The following MCM10 variants were observed in gnomAD, a reference collection of about 807,000 sequenced individuals.
MCM10 encodes the protein minichromosome maintenance 10 replication initiation factor.
MCM10 carries 91 observed loss-of-function variants against 109.9 expected under a neutral mutation model. The observed-to-expected ratio is 0.83, with a 90% CI of 0.70 to 0.99. The LOEUF is 0.99. MCM10 is among the 50% of genes least tolerant of loss of function. The pLI is 0.00. For synonymous variants in MCM10, 380 were observed against 387.2 expected (o/e 0.98, Z 0.22); for missense variants, 1,077 against 1,061.2 (o/e 1.01, Z -0.21).
Position 13,201,430 on chromosome 10 carries a change from G to A in MCM10, c.2248G>A (p.Glu750Lys). The change falls in exon 17 of 20, where the codon GAG (glutamate) becomes AAG (lysine). Residue 750 changes from glutamate to lysine, a missense_variant. Transcript: ENST00000378714. ...HTGILKEAEAEMQERYFEPLV... is the reference protein window; with the variant it reads ...HTGILKEAEAKMQERYFEPLV... ...TGCCCTGTCATTCCAGGCCGAGGCT[G>A]AGATGCAGGAGCGCTACTTTGAGCC... The A allele has an allele frequency of 6.2e-7, 1 of 1,611,590 alleles. No homozygotes were observed. Among genetic ancestry groups the A allele is most frequent in the Non-Finnish European group, 8.5e-7 (1 of 1,178,542 alleles).
rs376112793 is a variant in MCM10 at position 13,198,768 on chromosome 10, C to T, written c.2199C>T (p.Ile733=). The T allele has an allele frequency of 2.5e-6, 4 of 1,613,494 alleles. No homozygotes were observed. Among genetic ancestry groups the T allele is most frequent in the African/African-American group, 2.7e-5 (2 of 74,892 alleles). Residue 733 remains isoleucine, a synonymous_variant, in exon 16 of 20, where the codon ATC becomes ATT. Transcript: ENST00000378714. ...TGGAATCTGAGGAATTTCAGAAAAT[C>T]CTAAAAGCAAAATCAAAACACACAG... ...AYLESEEFQK[I]LKAKSKHTGI... is the part of the protein sequence containing the mutation.
chr10:13,189,119 G>C (rs755640424), intron 10 of MCM10, 39 bp downstream of exon 10: 10 of 1,607,950 alleles, frequency 6.2e-6, no homozygotes, highest in Non-Finnish European at 8.5e-6. Context: ...AGAGGATTTT[G>C]CTTATCAAAG....
chr10:13,192,679 T>A, intron 13 of MCM10, 111 bp downstream of exon 13: 1 of 940,890 alleles, frequency 1.1e-6, no homozygotes, highest in Non-Finnish European at 1.6e-6. Flanking sequence ...GGCTGCGTTT[T>A]AACTCTGAAA....
Position 13,209,374 on chromosome 10 carries a change from T to A in MCM10, c.*64T>A. 7.9e-7 allele frequency: 1 copy of A among 1,262,584 alleles called. No homozygotes were observed. Among genetic ancestry groups the A allele is most frequent in the Non-Finnish European group, 1.2e-6 (1 of 866,800 alleles). 78.2% of individuals were successfully genotyped at this position (1,262,584 alleles called of 1,614,324 possible). On this transcript the variant is annotated 3_prime_UTR_variant, in exon 20 of 20. Coordinates refer to ENST00000378714, the MANE Select transcript of MCM10 (RefSeq NM_018518.5). The stretch of plus-strand genomic sequence containing the variant: ...CCTGTGACTCTGGAAAGCAAAGGAT[T>A]GGCTGTGTATTGTCCATTGATTCCT...
At chr10:13,167,925 C>T (rs1349078609) in intron 2 of MCM10, among the ~76,000 whole-genome samples, 1 of 152,146 alleles carries the variant, frequency 6.6e-6, no homozygotes, top group Non-Finnish European at 1.5e-5. Context: ...GATTTCACAT[C>T]CCAGGGGTTT....
chr10:13,184,191 C>T (rs922529642), intron 8 of MCM10, among the ~76,000 whole-genome samples: 7 of 152,082 alleles, frequency 4.6e-5, no homozygotes, highest in African/African-American at 1.7e-4. Context: ...CAGGGTTTCA[C>T]TATGTTGCCC....
In MCM10 at chr10:13,209,314, G is replaced by A. The variant is rs549527948; in HGVS notation, c.*4G>A. 4.3e-6 allele frequency: 7 copies of A among 1,611,398 alleles called. No homozygotes were observed. Among genetic ancestry groups the A allele is most frequent in the East Asian group, 2.2e-5 (1 of 44,874 alleles). ...ATTTCTGAACAGCCTTAAATAACCC[G>A]AACTTCAGACATTTTCCCACAGACT... On this transcript the variant is annotated 3_prime_UTR_variant, in exon 20 of 20. Transcript: ENST00000378714.
At chr10:13,188,737 C>G (rs1834306726) in intron 9 of MCM10, 144 bp from the exon 10 acceptor site, 2 of 740,548 alleles carry the variant, frequency 2.7e-6, no homozygotes, top group Non-Finnish European at 4.8e-6. Flanking sequence ...GCAGCCCTTC[C>G]ACATTGGGAA....
chr10:13,202,678 G>A (rs1311546972), intron 17 of MCM10, among the ~76,000 whole-genome samples: 1 of 152,054 alleles, frequency 6.6e-6, no homozygotes, highest in Non-Finnish European at 1.5e-5. Flanking sequence ...TGGAAGACAG[G>A]AAACACAAAC....
At position 13,198,794 on chromosome 10, in the gene MCM10, GC is replaced by G; in HGVS notation, c.2226del (p.Ile743SerfsTer2). 1 of 1,611,214 alleles carries G rather than the reference GC, an allele frequency of 6.2e-7. No individual in the cohort carries two copies. Among genetic ancestry groups the G allele is most frequent in the Non-Finnish European group, 8.5e-7 (1 of 1,178,528 alleles). Reference sequence around the variant, plus strand: ...CTAAAAGCAAAATCAAAACACACAGGCATCCTGAAAGAGGTAAGAGCCCAAA... The same window carrying G: ...CTAAAAGCAAAATCAAAACACACAGGATCCTGAAAGAGGTAAGAGCCCAAA... ...KILKAKSKHTGILKEAEAEMQ... is the reference protein window; with the variant it reads ...KILKAKSKHTXILKEAEAEMQ... On this transcript the variant is annotated frameshift_variant, in exon 16 of 20. Transcript: ENST00000378714. LOFTEE classifies it high-confidence loss of function.
At chr10:13,205,835 T>A (rs1834572978) in intron 18 of MCM10, among the ~76,000 whole-genome samples, 1 of 152,212 alleles carries the variant, frequency 6.6e-6, no homozygotes, top group South Asian at 2.1e-4. Flanking sequence ...AAGTGTCTTT[T>A]GTTTCTCTTT....
intron 17 of MCM10, chr10:13,201,971 G>C (rs1388929443): frequency 6.3e-6 from 1 of 159,460 alleles, no homozygotes; most frequent in Non-Finnish European, 1.4e-5. Context: ...TCTCAAGCCA[G>C]AGTGTGGATT....
intron 5 of MCM10, among the ~76,000 whole-genome samples, chr10:13,175,063 G>T (rs11258229): frequency 0.033 from 4,953 of 152,180 alleles, 241 homozygotes; most frequent in African/African-American, 0.11. Flanking sequence ...TGGAGGCGGA[G>T]GTTGTGGTGA....
intron 13 of MCM10, among the ~76,000 whole-genome samples, chr10:13,194,685 C>T (rs1309129749): frequency 6.6e-6 from 1 of 152,214 alleles, no homozygotes; most frequent in Non-Finnish European, 1.5e-5. Context: ...GCAATGAGTT[C>T]CTACAGGCCC....
At position 13,210,931 on chromosome 10, in the gene MCM10, T is replaced by C. The variant is rs1346398532; in HGVS notation, c.*1621T>C. 1 of 152,172 alleles carries C rather than the reference T, an allele frequency of 6.6e-6. No individual in the cohort carries two copies. Among genetic ancestry groups the C allele is most frequent in the Non-Finnish European group, 1.5e-5 (1 of 68,028 alleles). 9.4% of individuals were successfully genotyped at this position (152,172 alleles called of 1,614,324 possible). A position where few individuals can be genotyped will look rare whatever the true frequency, so the allele number is the denominator to read the frequency against. ...ACCAGGTTGGTGTCTGAGCAATCCC[T>C]TTCTTATGGGAAAAACAATGTTCTT... On this transcript the variant is annotated 3_prime_UTR_variant, in exon 20 of 20. Transcript: ENST00000378714.
In MCM10 at chr10:13,171,386, G is replaced by C. The variant is rs1233050702; in HGVS notation, c.349+123G>C. 3.2e-6 allele frequency: 3 copies of C among 939,376 alleles called. No individual in the cohort carries two copies. The Admixed American group carries it at 9.3e-5, about 29-fold the overall frequency. 58.2% of individuals were successfully genotyped at this position (939,376 alleles called of 1,614,324 possible). A position where few individuals can be genotyped will look rare whatever the true frequency, so the allele number is the denominator to read the frequency against. On this transcript the variant is annotated intron_variant, in intron 3 of 19. Coordinates refer to ENST00000378714, the MANE Select transcript of MCM10 (RefSeq NM_018518.5). Reference sequence around the variant, plus strand: ...AGAGATAAATGACTTTGTAAAAAAAGAAAAAAAGAAAGAAAATTATATGAG... The same window carrying C: ...AGAGATAAATGACTTTGTAAAAAAACAAAAAAAGAAAGAAAATTATATGAG...
At chr10:13,164,323 A>G (rs933927436) in intron 2 of MCM10, 114 bp downstream of exon 2, 2 of 1,002,170 alleles carry the variant, frequency 2.0e-6, no homozygotes, top group South Asian at 1.8e-5. Context: ...GCCCTCAGGT[A>G]TTGTCTTAGT....
intron 17 of MCM10, among the ~76,000 whole-genome samples, chr10:13,203,390 T>C (rs975213152): frequency 9.2e-5 from 14 of 152,160 alleles, no homozygotes; most frequent in Admixed American, 3.9e-4. Flanking sequence ...TGTGATTCCA[T>C]TGGGCCCACC....
chr10:13,173,042 C>G lies in MCM10; in HGVS notation c.592+277C>G, dbSNP rs77538464. ...TGGGTAGTATAGCAAGACCCTATCT[C>G]TACAGTAATAAAATTAGCCAGGTGT... is the stretch of plus-strand genomic sequence containing the variant. On this transcript the variant is annotated intron_variant, in intron 5 of 19. Coordinates refer to ENST00000378714, the MANE Select transcript of MCM10 (RefSeq NM_018518.5). Among the ~76,000 whole-genome samples the G allele has an allele frequency of 3.3e-5, 5 of 152,192 alleles. No homozygotes were observed. The East Asian group carries it at 9.7e-4, about 29-fold the overall frequency.
Sources: gnomAD v4.1 joint callset for allele counts (sites outside exome capture counted in the v4.1 genomes callset) on GRCh38, gnomAD v4.1.1 for gene constraint, MANE v1.5 for transcripts, NCBI Gene and HGNC (gene_info 2026-07-23, HGNC 2026-07-21) for gene names.